The following COBL variants were observed in gnomAD, a reference collection of about 807,000 sequenced individuals.
COBL encodes the protein protein cordon-bleu.
Under a neutral mutation model 98.8 loss-of-function variants are expected in COBL, and 51 were observed. The observed-to-expected ratio is 0.52, with a 90% CI of 0.41 to 0.65. The LOEUF (loss-of-function observed/expected upper bound fraction) is 0.65, where lower values mean the gene tolerates loss of function less well. Ranked by LOEUF, COBL falls within the 30% of genes least tolerant of loss-of-function variation. COBL has a pLI of 0.00. For synonymous variants in COBL, 634 were observed against 651.7 expected (o/e 0.97, Z 0.41); for missense variants, 1,617 against 1,617.5 (o/e 1.00, Z 0.01).
chr7:51,218,115 T>C (rs967356900), intron 2 of COBL, among the ~76,000 whole-genome samples: 2 of 152,226 alleles, frequency 1.3e-5, no homozygotes, highest in Admixed American at 6.5e-5. Flanking sequence ...GCTGAAATAC[T>C]GTATCCCATG....
chr7:51,126,322 C>T (rs11980452), intron 6 of COBL, among the ~76,000 whole-genome samples: 74,222 of 151,684 alleles, frequency 0.49, 18,543 homozygotes, highest in Middle Eastern at 0.67. Context: ...AGCGAGACTC[C>T]GTCTCAAAAA....
chr7:51,224,832 G>A (rs572452663), intron 1 of COBL, among the ~76,000 whole-genome samples: 98 of 152,232 alleles, frequency 6.4e-4, no homozygotes, highest in African/African-American at 2.2e-3. Flanking sequence ...CACCATACCC[G>A]GCTAATTTGG....
intron 1 of COBL, among the ~76,000 whole-genome samples, chr7:51,234,687 C>T (rs1211238370): frequency 7.2e-5 from 9 of 125,310 alleles, no homozygotes; most frequent in African/African-American, 2.8e-4. Context: ...GGTGACAGAT[C>T]AAGGCCCTGT....
At chr7:51,081,280 G>A (rs1793642104) in intron 7 of COBL, among the ~76,000 whole-genome samples, 1 of 152,322 alleles carries the variant, frequency 6.6e-6, no homozygotes, top group Non-Finnish European at 1.5e-5. Flanking sequence ...GAGGGAGAAG[G>A]TGAATTATGA....
chr7:51,239,581 T>C (rs770087944), intron 1 of COBL, among the ~76,000 whole-genome samples: 4 of 152,246 alleles, frequency 2.6e-5, no homozygotes, highest in African/African-American at 7.2e-5. Flanking sequence ...AGCCATTCTT[T>C]TGTTTCTTTA....
chr7:51,087,330 T>C (rs1020564222), intron 6 of COBL, among the ~76,000 whole-genome samples: 17 of 152,226 alleles, frequency 1.1e-4, no homozygotes, highest in Non-Finnish European at 2.9e-5. Flanking sequence ...ATAATGTATA[T>C]CATAATTACA....
intron 7 of COBL, among the ~76,000 whole-genome samples, chr7:51,060,621 G>T (rs962493268): frequency 6.6e-6 from 1 of 152,132 alleles, no homozygotes; most frequent in Non-Finnish European, 1.5e-5. Flanking sequence ...TCTCCCATAG[G>T]GTCCAGGAAT....
chr7:51,182,574 G>C (rs145305330), intron 5 of COBL, among the ~76,000 whole-genome samples: 1 of 151,184 alleles, frequency 6.6e-6, no homozygotes, highest in South Asian at 2.1e-4. Flanking sequence ...GAGCCACCGC[G>C]CCCGGCCACA....
chr7:51,309,495 A>G (rs566662575), intron 1 of COBL, among the ~76,000 whole-genome samples: 1 of 152,208 alleles, frequency 6.6e-6, no homozygotes, highest in Non-Finnish European at 1.5e-5. Context: ...TCTGCACCGA[A>G]CTAGGCTGCA....
At chr7:51,081,509 G>A (rs924678854) in intron 7 of COBL, among the ~76,000 whole-genome samples, 1 of 150,992 alleles carries the variant, frequency 6.6e-6, no homozygotes, top group Admixed American at 6.6e-5. Flanking sequence ...GCAGGAGGAA[G>A]CCTGATGCTG....
At chr7:51,218,905 T>C (rs1369199580) in intron 2 of COBL, among the ~76,000 whole-genome samples, 1 of 152,248 alleles carries the variant, frequency 6.6e-6, no homozygotes, top group Non-Finnish European at 1.5e-5. Flanking sequence ...TTCTCTTCAG[T>C]AAAACGTATA....
chr7:51,103,598 C>A (rs1049244131), intron 6 of COBL, among the ~76,000 whole-genome samples: 1 of 151,974 alleles, frequency 6.6e-6, no homozygotes, highest in East Asian at 1.9e-4. Flanking sequence ...GTTTTTTTTA[C>A]CATTTTACTT....
chr7:51,261,620 G>A (rs1462263884), intron 1 of COBL, among the ~76,000 whole-genome samples: 1 of 152,206 alleles, frequency 6.6e-6, no homozygotes, highest in Non-Finnish European at 1.5e-5. Context: ...CAGGGAGGAT[G>A]GCTGGCCTGT....
chr7:51,280,727 A>T (rs1799746957), intron 1 of COBL, among the ~76,000 whole-genome samples: 1 of 152,194 alleles, frequency 6.6e-6, no homozygotes, highest in African/African-American at 2.4e-5. Flanking sequence ...ACACGTATGG[A>T]TCTGGTCCTG....
Position 51,026,753 on chromosome 7 carries a change from C to A in COBL, c.3385-88G>T, listed in dbSNP as rs1787611180. On this transcript the variant is annotated intron_variant, in intron 10 of 12. Transcript: ENST00000265136. ...GCTCATGAGAAAACCCACTCATGGGCCAGGCACGGTGGCTCATGCCTGTAA... is the reference window on the plus strand; with the variant it reads ...GCTCATGAGAAAACCCACTCATGGGACAGGCACGGTGGCTCATGCCTGTAA... The A allele has an allele frequency of 2.0e-6, 3 of 1,507,248 alleles. No homozygotes were observed. The African/African-American group carries it at 4.1e-5, about 21-fold the overall frequency. 93.4% of individuals were successfully genotyped at this position (1,507,248 alleles called of 1,614,324 possible). A position where few individuals can be genotyped will look rare whatever the true frequency, so the allele number is the denominator to read the frequency against.
chr7:51,207,482 C>A lies in COBL; in HGVS notation c.245+12259G>T, dbSNP rs376254602. Among the ~76,000 whole-genome samples the A allele has an allele frequency of 1.6e-4, 25 of 152,170 alleles. No individual in the cohort carries two copies. In the East Asian group the frequency reaches 2.3e-3, roughly 14 times the overall value. ...CCACGGTCTCCCTCTGATGCCGAGC[C>A]GAAGCAGGACGGTACTGCTGCCATC... On this transcript the variant is annotated intron_variant, in intron 2 of 12. Coordinates refer to ENST00000265136, the MANE Select transcript of COBL (RefSeq NM_015198.5).
rs572269792 is a variant in COBL, at chr7:51,111,156, A to G, written c.957+25002T>C. On this transcript the variant is annotated intron_variant, in intron 6 of 12. Coordinates refer to ENST00000265136, the MANE Select transcript of COBL (RefSeq NM_015198.5). ...AATGCTGCAATAAACATGGGGGTGC[A>G]GACATCTCTTCAACATACTAATTTC... is the stretch of plus-strand genomic sequence containing the variant. Among the ~76,000 whole-genome samples, 5 of 152,334 alleles carry G rather than the reference A, an allele frequency of 3.3e-5. No homozygotes were observed. The East Asian group carries it at 7.7e-4, about 24-fold the overall frequency.
chr7:51,215,555 C>T (rs1373238009), intron 2 of COBL, among the ~76,000 whole-genome samples: 2 of 152,200 alleles, frequency 1.3e-5, no homozygotes, highest in Admixed American at 1.3e-4. Context: ...CTCTGGCTCA[C>T]AGGAATTTAC....
At chr7:51,089,743 T>A (rs183572353) in intron 6 of COBL, among the ~76,000 whole-genome samples, 2 of 152,324 alleles carry the variant, frequency 1.3e-5, no homozygotes, top group African/African-American at 4.8e-5. Context: ...GGTATACAAC[T>A]GATGATCTGA....
Sources: gnomAD v4.1 joint callset for allele counts (sites outside exome capture counted in the v4.1 genomes callset) on GRCh38, gnomAD v4.1.1 for gene constraint, MANE v1.5 for transcripts, NCBI Gene and HGNC (gene_info 2026-07-23, HGNC 2026-07-21) for gene names.